The following EXOC4 variants were observed in gnomAD, a reference collection of about 807,000 sequenced individuals.
EXOC4 encodes SEC8-like 1.
A neutral mutation model predicts 107.2 loss-of-function variants in EXOC4; 71 were observed. The ratio of observed to expected loss-of-function variants is 0.66; its 90% CI spans 0.55 to 0.81. EXOC4 has a LOEUF of 0.81. EXOC4 is among the 30% of genes least tolerant of loss of function. The pLI is 0.00. For synonymous variants in EXOC4, 456 were observed against 441.2 expected, an observed-to-expected ratio of 1.03 and a Z score of -0.42; for missense variants, 1,108 against 1,189.6, an observed-to-expected ratio of 0.93 and a Z score of 1.01.
intron 11 of EXOC4, among the ~76,000 whole-genome samples, chr7:133,886,651 ATTTG>A (rs1410549896): frequency 2.0e-5 from 3 of 152,178 alleles, no homozygotes; most frequent in Non-Finnish European, 4.4e-5. Flanking sequence ...ATCATTTATG[ATTTG>A]TTTAATAGAA....
intron 4 of EXOC4, among the ~76,000 whole-genome samples, chr7:133,313,436 T>C (rs1270868489): frequency 6.6e-6 from 1 of 152,202 alleles, no homozygotes; most frequent in Non-Finnish European, 1.5e-5. Flanking sequence ...GAGCACTTGC[T>C]CTTTGACAAG....
intron 7 of EXOC4, among the ~76,000 whole-genome samples, chr7:133,400,520 C>T (rs1470323379): frequency 6.6e-6 from 1 of 152,098 alleles, no homozygotes; most frequent in Non-Finnish European, 1.5e-5. Flanking sequence ...GTGTTGTCTC[C>T]TTTATTTTTT....
At chr7:133,540,833 T>A (rs1362374281) in intron 9 of EXOC4, among the ~76,000 whole-genome samples, 1 of 152,228 alleles carries the variant, frequency 6.6e-6, no homozygotes, top group Non-Finnish European at 1.5e-5. Context: ...TTATTAATTC[T>A]CTATTTACTG....
At chr7:133,321,278 T>C (rs1795104937) in intron 5 of EXOC4, among the ~76,000 whole-genome samples, 1 of 152,148 alleles carries the variant, frequency 6.6e-6, no homozygotes, top group Non-Finnish European at 1.5e-5. Flanking sequence ...GGTGACTTTT[T>C]TTTTTTAAAT....
At chr7:133,510,452 T>C (rs1413542720) in intron 9 of EXOC4, among the ~76,000 whole-genome samples, 1 of 152,212 alleles carries the variant, frequency 6.6e-6, no homozygotes, top group Admixed American at 6.5e-5. Context: ...TTAACACACC[T>C]GGCTTTGAAT....
At chr7:133,917,890 A>T in intron 13 of EXOC4, 152 bp downstream of exon 13, 1 of 731,246 alleles carries the variant, frequency 1.4e-6, no homozygotes. Context: ...GTCTCACCTC[A>T]TTTCCCATGC....
chr7:134,090,942 C>T, the EXOC4 span, among the ~76,000 whole-genome samples: 4 of 151,956 alleles, frequency 2.6e-5, no homozygotes, highest in East Asian at 1.9e-4. Flanking sequence ...TAAGTTGAGC[C>T]TCTAACCCAA....
intron 10 of EXOC4, among the ~76,000 whole-genome samples, chr7:133,695,458 T>C (rs1335503884): frequency 6.6e-6 from 1 of 152,162 alleles, no homozygotes; most frequent in Admixed American, 6.5e-5. Context: ...CTTTGATATA[T>C]TGATTTTTTT....
At chr7:133,646,751 G>A (rs563399930) in intron 10 of EXOC4, among the ~76,000 whole-genome samples, 27 of 152,304 alleles carry the variant, frequency 1.8e-4, no homozygotes, top group Non-Finnish European at 8.8e-5. Context: ...ATTTGGTTGT[G>A]ACAAAGTTAG....
chr7:133,774,893 TC>T (rs1397724242), intron 10 of EXOC4, among the ~76,000 whole-genome samples: 4 of 151,884 alleles, frequency 2.6e-5, no homozygotes, highest in Non-Finnish European at 5.9e-5. Flanking sequence ...CCCAGCTTGC[TC>T]CCCCGCCCCT....
chr7:133,964,009 G>A (rs1025437338), intron 14 of EXOC4, among the ~76,000 whole-genome samples: 1 of 152,162 alleles, frequency 6.6e-6, no homozygotes, highest in African/African-American at 2.4e-5. Flanking sequence ...ATAGGGACTT[G>A]TCTTATATAT....
At chr7:133,515,198 T>C (rs1004167021) in intron 9 of EXOC4, among the ~76,000 whole-genome samples, 10 of 152,126 alleles carry the variant, frequency 6.6e-5, no homozygotes, top group Admixed American at 5.9e-4. Flanking sequence ...CAATATTGTT[T>C]GTGCAATTAG....
Position 133,480,056 on chromosome 7 carries a change from A to C in EXOC4, c.1335A>C (p.Glu445Asp), listed in dbSNP as rs1799117023. The change falls in exon 9 of 18, where the codon GAA becomes GAC. Residue 445 changes from glutamate to aspartate, a missense_variant. Physicochemically the swap from Glu to Asp is conservative, Grantham distance 45 (BLOSUM62 2). Transcript: ENST00000253861. Reference sequence around the variant, plus strand: ...CCCCTGTGTTTCTCTGCAGGTTCGAATCGTCCTCCCATGCCATCAGTATGA... The same window carrying C: ...CCCCTGTGTTTCTCTGCAGGTTCGACTCGTCCTCCCATGCCATCAGTATGA... The part of the protein sequence containing the change: ...QRPKNSLFKF[E>D]SSSHAISMSA... The C allele has an allele frequency of 1.2e-6, 2 of 1,613,774 alleles. No individual in the cohort carries two copies. Among genetic ancestry groups the C allele is most frequent in the African/African-American group, 2.7e-5 (2 of 74,932 alleles).
chr7:133,477,599 A>C (rs1451613126), intron 8 of EXOC4, among the ~76,000 whole-genome samples: 1 of 152,170 alleles, frequency 6.6e-6, no homozygotes, highest in Non-Finnish European at 1.5e-5. Context: ...TCACGAATAA[A>C]GCTGCTTTAA....
At chr7:133,448,132 G>A (rs1473707247) in intron 7 of EXOC4, among the ~76,000 whole-genome samples, 2 of 152,176 alleles carry the variant, frequency 1.3e-5, no homozygotes, top group African/African-American at 4.8e-5. Context: ...GCAGGAAAAA[G>A]CACAGTGTAG....
intron 10 of EXOC4, among the ~76,000 whole-genome samples, chr7:133,750,519 G>C (rs10241849): frequency 0.99 from 150,000 of 152,098 alleles, 74,016 homozygotes; most frequent in Middle Eastern, 1. Flanking sequence ...AAACTATGGT[G>C]TAGGTAGTGT....
chr7:133,475,361 A>G lies in EXOC4; in HGVS notation c.1216A>G (p.Thr406Ala). Residue 406 changes from threonine (T) to alanine (A), a missense_variant, in exon 8 of 18, where the codon ACT becomes GCT. By Grantham distance (58) the Thr-to-Ala change is moderately conservative. Coordinates refer to ENST00000253861, the MANE Select transcript of EXOC4 (RefSeq NM_021807.4). ...LLTEYLDMKN[T>A]RTASEPSAQL... The stretch of plus-strand genomic sequence containing the variant: ...AACTGAGTACTTGGATATGAAAAAT[A>G]CTCGTACGGCCTCTGAACCATCAGC... 6.2e-7 allele frequency: 1 copy of G among 1,613,736 alleles called. No homozygotes were observed. The highest frequency in any genetic ancestry group is 8.5e-7 in the Non-Finnish European group (1 of 1,179,698).
chr7:133,478,392 TG>T (rs1167804215), intron 8 of EXOC4, among the ~76,000 whole-genome samples: 2 of 152,128 alleles, frequency 1.3e-5, no homozygotes, highest in Non-Finnish European at 2.9e-5. Flanking sequence ...TGGGCAGTAA[TG>T]AAACTTATCA....
At chr7:133,307,236 T>C (rs1794772441) in intron 4 of EXOC4, among the ~76,000 whole-genome samples, 1 of 152,208 alleles carries the variant, frequency 6.6e-6, no homozygotes, top group African/African-American at 2.4e-5. Flanking sequence ...TTCTACCTCT[T>C]TTCAGCAGAT....
Sources: allele counts gnomAD v4.1 joint callset (sites outside exome capture counted in the v4.1 genomes callset), GRCh38; gene constraint gnomAD v4.1.1; transcripts MANE v1.5; gene names NCBI Gene and HGNC (gene_info 2026-07-23, HGNC 2026-07-21).